Variants in ZBTB10 observed in about 807,000 individuals in gnomAD.
The protein encoded by ZBTB10 is zinc finger and BTB domain containing 10.
A neutral mutation model predicts 76.4 loss-of-function variants in ZBTB10; 32 were observed. The ratio of observed to expected loss-of-function variants is 0.42; its 90% confidence interval spans 0.32 to 0.56. The LOEUF is 0.56. Ranked by LOEUF, ZBTB10 falls within the 20% of genes least tolerant of loss-of-function variation. The probability of loss-of-function intolerance (pLI) is 0.14; values close to 1 mark genes in which losing one functional copy is unlikely to be tolerated. For synonymous variants in ZBTB10, 523 were observed against 432.9 expected (o/e 1.21, Z -2.58); for missense variants, 1,057 against 1,098.5 (o/e 0.96, Z 0.53).
intron 4 of ZBTB10, 68 bp downstream of exon 4, chr8:80,518,647 G>T: frequency 6.7e-7 from 1 of 1,491,676 alleles, no homozygotes; most frequent in Non-Finnish European, 8.9e-7. Flanking sequence ...AAGCTTTCAT[G>T]TTCTGCATTT....
In ZBTB10 at chr8:80,496,787, A is replaced by C. The variant is rs146958396; in HGVS notation, c.973-2707A>C. The stretch of plus-strand genomic sequence containing the variant: ...ACTTTAGGCAGTTCTTGACTTGTAC[A>C]TGCTAATTCACTGCTTCCACAAACA... On this transcript the variant is annotated intron_variant, in intron 1 of 5. Coordinates refer to ENST00000455036, the MANE Select transcript of ZBTB10 (RefSeq NM_001105539.3). Among the ~76,000 whole-genome samples the C allele has an allele frequency of 2.0e-5, 3 of 152,324 alleles. No individual in the cohort carries two copies. The East Asian group carries it at 5.8e-4, about 29-fold the overall frequency.
At chr8:80,500,686 GCT>G (rs1815901696) in intron 2 of ZBTB10, among the ~76,000 whole-genome samples, 2 of 152,084 alleles carry the variant, frequency 1.3e-5, no homozygotes, top group Admixed American at 1.3e-4. Context: ...TAGCCTCTGT[GCT>G]CACTATTTTA....
Position 80,519,208 on chromosome 8 carries a change from TC to T in ZBTB10, c.2311-10del. The T allele has an allele frequency of 6.2e-7, 1 of 1,607,254 alleles. No individual in the cohort carries two copies. Among genetic ancestry groups the T allele is most frequent in the Non-Finnish European group, 8.5e-7 (1 of 1,176,338 alleles). Reference sequence around the variant, plus strand: ...TATAATATCCTTATATTGGATTTTTTCCCCCTCCAATTAGGTGCATAAAAAG... The same window carrying T: ...TATAATATCCTTATATTGGATTTTTTCCCCTCCAATTAGGTGCATAAAAAG... On this transcript the variant is annotated splice_polypyrimidine_tract_variant and intron_variant, in intron 5 of 5. Coordinates refer to ENST00000455036, the MANE Select transcript of ZBTB10 (RefSeq NM_001105539.3).
rs1157448965 is a variant in ZBTB10 at position 80,493,199 on chromosome 8, GCGCGCGCGCACACACACA to G, written c.972+5419_972+5436del. On this transcript the variant is annotated intron_variant, in intron 1 of 5. Coordinates refer to ENST00000455036, the MANE Select transcript of ZBTB10 (RefSeq NM_001105539.3). ...AGCAAGACTGTGCCTCAAAACGCGCGCGCGCGCGCACACACACACACACACACACACACACACACACAC... is the reference window on the plus strand; with the variant it reads ...AGCAAGACTGTGCCTCAAAACGCGCGCACACACACACACACACACACACAC... Among the ~76,000 whole-genome samples, 142 of 113,664 alleles carry G rather than the reference GCGCGCGCGCACACACACA, an allele frequency of 1.2e-3. 1 individual carries two copies. Among genetic ancestry groups the G allele is most frequent in the African/African-American group, 5.0e-3 (136 of 27,350 alleles). The allele number at this position is 113,664 out of a possible 152,430, so 74.6% of individuals were successfully genotyped here. A position where few individuals can be genotyped will look rare whatever the true frequency, so the allele number is the denominator to read the frequency against.
rs1816490234 is a variant in ZBTB10 at position 80,523,492 on chromosome 8, G to A, written c.*3964G>A. 1 of 151,834 alleles carries A rather than the reference G, an allele frequency of 6.6e-6. No homozygotes were observed. The highest frequency in any genetic ancestry group is 2.1e-4 in the South Asian group (1 of 4,828). The allele number at this position is 151,834 out of a possible 1,614,324, so 9.4% of individuals were successfully genotyped here. On this transcript the variant is annotated 3_prime_UTR_variant, in exon 6 of 6. Transcript: ENST00000455036. ...TATAAAAGAATGGTTTTTATCTGAA[G>A]AACTAGATAGAAACCCCAGTTTTTG...
Position 80,486,612 on chromosome 8 carries a change from AGCGGCAGCGGAC to A in ZBTB10, c.-195_-184del. The A allele has an allele frequency of 1.0e-6, 1 of 986,908 alleles. No homozygotes were observed. Among genetic ancestry groups the A allele is most frequent in the South Asian group, 4.7e-5 (1 of 21,384 alleles). The allele number at this position is 986,908 out of a possible 1,614,324, so 61.1% of individuals were successfully genotyped here. A position where few individuals can be genotyped will look rare whatever the true frequency, so the allele number is the denominator to read the frequency against. On this transcript the variant is annotated 5_prime_UTR_variant, in exon 1 of 6. Coordinates refer to ENST00000455036, the MANE Select transcript of ZBTB10 (RefSeq NM_001105539.3). ...TCGGAGGCGTCGGCCCGGCAGCGGC[AGCGGCAGCGGAC>A]GCGTGCAGCAGACCCGGGAGCGAGC...
chr8:80,519,228 T>C lies in ZBTB10; in HGVS notation c.2316T>C (p.His772=). Residue 772 remains histidine, a synonymous_variant, in exon 6 of 6, where the codon CAT becomes CAC. Transcript: ENST00000455036. ...TTTTTTCCCCCTCCAATTAGGTGCATAAAAAGGATAAAAAATACAAATGTA... is the reference window on the plus strand; with the variant it reads ...TTTTTTCCCCCTCCAATTAGGTGCACAAAAAGGATAAAAAATACAAATGTA... ...REHVKRHSLV[H]KKDKKYKCMV... is the part of the protein sequence containing the mutation. 2.5e-6 allele frequency: 4 copies of C among 1,611,686 alleles called. No individual in the cohort carries two copies. The highest frequency in any genetic ancestry group is 3.4e-6 in the Non-Finnish European group (4 of 1,178,294).
chr8:80,500,101 A>G lies in ZBTB10; in HGVS notation c.1580A>G (p.Gln527Arg), dbSNP rs1205817432. The G allele has an allele frequency of 5.6e-6, 9 of 1,613,990 alleles. No homozygotes were observed. The highest frequency in any genetic ancestry group is 5.9e-6 in the Non-Finnish European group (7 of 1,179,862). Residue 527 changes from glutamine to arginine, a missense_variant, in exon 2 of 6, where the codon CAA becomes CGA. Gln to Arg is a conservative substitution (Grantham distance 43, BLOSUM62 1). Around this residue, in one of 5 missense-constraint regions of ZBTB10, gnomAD observed 306 missense variants for 297.5 expected, o/e 1.03. Transcript: ENST00000455036. ...GATGGTTGTAATGTCGACGAGGGCC[A>G]AATAGAAAACTACCAAATGAATGAC... is the stretch of plus-strand genomic sequence containing the variant. ...ENDGCNVDEGQIENYQMNDSS... is the reference protein window; with the variant it reads ...ENDGCNVDEGRIENYQMNDSS...
Position 80,499,505 on chromosome 8 carries a change from A to G in ZBTB10, c.984A>G (p.Ile328Met), listed in dbSNP as rs1348189584. 6.3e-7 allele frequency: 1 copy of G among 1,586,488 alleles called. No individual in the cohort carries two copies. The change falls in exon 2 of 6, where the codon ATA (isoleucine) becomes ATG (methionine). Residue 328 changes from isoleucine to methionine, a missense_variant. Ile to Met is a conservative substitution (Grantham distance 10). Coordinates refer to ENST00000455036, the MANE Select transcript of ZBTB10 (RefSeq NM_001105539.3). ...LHEANAQESE[I>M]PSEEGYCDFN... Reference sequence around the variant, plus strand: ...TTATCCAATTACAGGAGTCAGAAATACCATCAGAGGAGGGGTACTGTGACT... The same window carrying G: ...TTATCCAATTACAGGAGTCAGAAATGCCATCAGAGGAGGGGTACTGTGACT...
intron 3 of ZBTB10, among the ~76,000 whole-genome samples, chr8:80,515,500 G>A (rs1816304061): frequency 6.6e-6 from 1 of 152,296 alleles, no homozygotes; most frequent in African/African-American, 2.4e-5. Context: ...CAGTTTGTAC[G>A]TCAGATGTCT....
chr8:80,486,672 A>C lies in ZBTB10; in HGVS notation c.-139A>C, dbSNP rs1325380497. 1 of 871,178 alleles carries C rather than the reference A, an allele frequency of 1.1e-6. No individual in the cohort carries two copies. The highest frequency in any genetic ancestry group is 1.4e-6 in the Non-Finnish European group (1 of 727,944). The allele number at this position is 871,178 out of a possible 1,614,324, so 54.0% of individuals were successfully genotyped here. On this transcript the variant is annotated 5_prime_UTR_variant, in exon 1 of 6. Transcript: ENST00000455036. ...AGCGCGAGCCGGGCTGCCGGGCGAG[A>C]GGGCGAGGCCGAGCCCCGCGAGACC... is the stretch of plus-strand genomic sequence containing the variant.
chr8:80,500,036 G>A lies in ZBTB10; in HGVS notation c.1515G>A (p.Arg505=), dbSNP rs376941161. The A allele has an allele frequency of 2.9e-4, 468 of 1,613,948 alleles. 1 individual carries two copies. In the Middle Eastern group the frequency reaches 3.1e-3, roughly 11 times the overall value. The change falls in exon 2 of 6, where the codon CGG becomes CGA. Residue 505 remains arginine (R), a synonymous_variant. Transcript: ENST00000455036. ...AAATTGCCAGTTTTTGGGCAACACG[G>A]AATCTTACCAATTTGGCAAGTAATG... ...DQKIASFWAT[R]NLTNLASNVK... is the part of the protein sequence containing the mutation.
intron 3 of ZBTB10, among the ~76,000 whole-genome samples, chr8:80,514,290 C>T (rs972867276): frequency 4.6e-5 from 7 of 152,014 alleles, no homozygotes; most frequent in Admixed American, 1.3e-4. Context: ...TATATAGATA[C>T]GGAACGGAAA....
intron 1 of ZBTB10, among the ~76,000 whole-genome samples, chr8:80,494,284 TTAACTGAA>T (rs1478000938): frequency 6.6e-6 from 1 of 152,224 alleles, no homozygotes; most frequent in Non-Finnish European, 1.5e-5. Context: ...GCTTGTTTCT[TTAACTGAA>T]TAACATTTTC....
At chr8:80,499,264 G>T (rs1815862652) in intron 1 of ZBTB10, among the ~76,000 whole-genome samples, 1 of 152,032 alleles carries the variant, frequency 6.6e-6, no homozygotes, top group Non-Finnish European at 1.5e-5. Context: ...CATGATGAAT[G>T]TTATTTTTAA....
At position 80,524,330 on chromosome 8, in the gene ZBTB10, A is replaced by G. The variant is rs774551621; in HGVS notation, c.*4802A>G. On this transcript the variant is annotated 3_prime_UTR_variant, in exon 6 of 6. Transcript: ENST00000455036. ...AATAGCAGTGATTTGTAATCAGTGT[A>G]TCTTTTAAGATTCTCTACAGGTTTT... The G allele has an allele frequency of 1.3e-5, 2 of 152,082 alleles. No individual in the cohort carries two copies. Among genetic ancestry groups the G allele is most frequent in the Non-Finnish European group, 2.9e-5 (2 of 67,940 alleles). The allele number at this position is 152,082 out of a possible 1,614,324, so 9.4% of individuals were successfully genotyped here.
chr8:80,502,719 CT>C (rs1455809222), intron 2 of ZBTB10, among the ~76,000 whole-genome samples: 3 of 145,660 alleles, frequency 2.1e-5, no homozygotes, highest in African/African-American at 8.2e-5. Flanking sequence ...TAAATTTTTA[CT>C]GTAAAGGGCT....
chr8:80,518,016 GCC>G (rs1253325322), intron 3 of ZBTB10, among the ~76,000 whole-genome samples: 3 of 150,820 alleles, frequency 2.0e-5, no homozygotes, highest in African/African-American at 7.3e-5. Context: ...ACACCACCAT[GCC>G]CAGCTAATTT....
At chr8:80,511,779 G>T (rs1228552953) in intron 2 of ZBTB10, among the ~76,000 whole-genome samples, 1 of 152,110 alleles carries the variant, frequency 6.6e-6, no homozygotes, top group Non-Finnish European at 1.5e-5. Flanking sequence ...CAGATACCAT[G>T]AATTAAAACT....
Sources: gnomAD v4.1 joint callset for allele counts (sites outside exome capture counted in the v4.1 genomes callset) on GRCh38, gnomAD v4.1.1 for gene constraint, gnomAD v4.1.1 regional missense constraint, MANE v1.5 for transcripts, NCBI Gene and HGNC (gene_info 2026-07-23, HGNC 2026-07-21) for gene names.